Variants in FAM110B observed in about 807,000 individuals in gnomAD.
FAM110B encodes the protein family with sequence similarity 110 member B, also known as protein FAM110B.
A neutral mutation model predicts 20.4 loss-of-function variants in FAM110B; 6 were observed. The observed-to-expected ratio is 0.29, with a 90% CI of 0.16 to 0.58. The LOEUF is 0.58. FAM110B is among the 20% of genes least tolerant of loss of function. FAM110B has a pLI of 0.90. For missense variants in FAM110B, 434 were observed against 498.2 expected, an observed-to-expected ratio of 0.87 and a Z score of 1.23; for synonymous variants, 226 against 214.1, an observed-to-expected ratio of 1.06 and a Z score of -0.49.
At chr8:58,099,840 G>A (rs1410586651) in intron 3 of FAM110B, among the ~76,000 whole-genome samples, 1 of 152,042 alleles carries the variant, frequency 6.6e-6, no homozygotes, top group Non-Finnish European at 1.5e-5. Flanking sequence ...TCTACCTAAA[G>A]GGCTTGATGA....
chr8:58,012,217 A>C (rs1804551535), intron 1 of FAM110B, among the ~76,000 whole-genome samples: 1 of 152,030 alleles, frequency 6.6e-6, no homozygotes, highest in Non-Finnish European at 1.5e-5. Flanking sequence ...TATATGCTTA[A>C]ATTTTCTCTA....
intron 2 of FAM110B, among the ~76,000 whole-genome samples, chr8:58,075,275 T>TTGTGTG (rs60073899): frequency 8.5e-5 from 12 of 141,740 alleles, no homozygotes; most frequent in Middle Eastern, 3.5e-3. Context: ...TTTTTTTTTT[T>TTGTGTG]TGTGTGTGTG....
At chr8:58,116,545 C>T (rs1482769913) in intron 3 of FAM110B, among the ~76,000 whole-genome samples, 3 of 152,188 alleles carry the variant, frequency 2.0e-5, no homozygotes, top group African/African-American at 7.2e-5. Context: ...ACAGATAGAA[C>T]AATGCCTGAA....
At chr8:58,070,620 G>C (rs1805875700) in intron 2 of FAM110B, among the ~76,000 whole-genome samples, 1 of 152,178 alleles carries the variant, frequency 6.6e-6, no homozygotes, top group African/African-American at 2.4e-5. Context: ...GTGTGCTTGG[G>C]AGTGATGCTT....
chr8:58,095,715 G>T (rs1371809066), intron 3 of FAM110B, among the ~76,000 whole-genome samples: 1 of 152,172 alleles, frequency 6.6e-6, no homozygotes, highest in Admixed American at 6.5e-5. Flanking sequence ...TGTATATTCT[G>T]TTGATTTGGG....
chr8:58,018,809 AATAGATAGATAGATAG>A (rs59685703), intron 1 of FAM110B, among the ~76,000 whole-genome samples: 27 of 148,050 alleles, frequency 1.8e-4, no homozygotes, highest in East Asian at 6.0e-4. Flanking sequence ...TAGGGATTAC[AATAGATAGATAGATAG>A]ATAGATAGAT....
intron 2 of FAM110B, among the ~76,000 whole-genome samples, chr8:58,037,633 T>C (rs1340654522): frequency 6.6e-6 from 1 of 151,982 alleles, no homozygotes; most frequent in African/African-American, 2.4e-5. Context: ...TAAGACTCTG[T>C]CTCTTTAAAA....
At chr8:58,015,055 T>C (rs1420387122) in intron 1 of FAM110B, among the ~76,000 whole-genome samples, 4 of 152,222 alleles carry the variant, frequency 2.6e-5, no homozygotes, top group African/African-American at 9.6e-5. Flanking sequence ...TGGGCAGTTT[T>C]TGTTTAAGAT....
At chr8:58,102,796 C>T (rs1388946125) in intron 3 of FAM110B, among the ~76,000 whole-genome samples, 4 of 152,126 alleles carry the variant, frequency 2.6e-5, no homozygotes, top group African/African-American at 9.7e-5. Context: ...GTCATCTTCA[C>T]TTCCACACAG....
Position 58,146,905 on chromosome 8 carries a change from T to C in FAM110B, c.675T>C (p.Pro225=). 1 of 1,614,054 alleles carries C rather than the reference T, an allele frequency of 6.2e-7. No homozygotes were observed. ...IPCSSSAPPL[P]PKPKIAAIAS... ...GCAGTAGCTCTGCCCCTCCCCTGCC[T>C]CCCAAGCCCAAAATCGCAGCCATCG... The change falls in exon 4 of 4, where the codon CCT becomes CCC. Residue 225 remains proline (P), a synonymous_variant. Coordinates refer to ENST00000519262, the MANE Select transcript of FAM110B (RefSeq NM_001377989.1).
chr8:58,128,906 A>G (rs1050721263), intron 3 of FAM110B, among the ~76,000 whole-genome samples: 38 of 152,174 alleles, frequency 2.5e-4, no homozygotes, highest in African/African-American at 8.9e-4. Flanking sequence ...TTAGCCTGCT[A>G]AAAGGAATCA....
chr8:57,995,944 A>G (rs1804177451), intron 1 of FAM110B, among the ~76,000 whole-genome samples: 2 of 152,206 alleles, frequency 1.3e-5, no homozygotes, highest in African/African-American at 4.8e-5. Flanking sequence ...TGCAGTATGG[A>G]TAGTAGGACT....
chr8:58,108,122 C>T (rs987760909), intron 3 of FAM110B, among the ~76,000 whole-genome samples: 3 of 152,134 alleles, frequency 2.0e-5, no homozygotes, highest in African/African-American at 7.2e-5. Context: ...CCTTCATGTT[C>T]ATCAGCTTTA....
chr8:58,039,498 C>T (rs1040736020), intron 2 of FAM110B, among the ~76,000 whole-genome samples: 1 of 152,190 alleles, frequency 6.6e-6, no homozygotes, highest in African/African-American at 2.4e-5. Flanking sequence ...CATGTGAGAT[C>T]CCATTGAGTT....
At chr8:58,073,782 A>G (rs1299623164) in intron 2 of FAM110B, among the ~76,000 whole-genome samples, 1 of 152,246 alleles carries the variant, frequency 6.6e-6, no homozygotes, top group African/African-American at 2.4e-5. Context: ...TGCTCATTAA[A>G]GACAAGCTTG....
chr8:58,027,726 A>G (rs1386741792), intron 1 of FAM110B, among the ~76,000 whole-genome samples: 11 of 152,216 alleles, frequency 7.2e-5, no homozygotes, highest in Non-Finnish European at 8.8e-5. Context: ...CTTCTTTTCC[A>G]TAGTATAATC....
At chr8:58,111,588 C>A (rs1807059482) in intron 3 of FAM110B, among the ~76,000 whole-genome samples, 1 of 151,414 alleles carries the variant, frequency 6.6e-6, no homozygotes, top group South Asian at 2.1e-4. Flanking sequence ...CGTGAATCAT[C>A]AATAAATGAA....
chr8:58,146,179 G>C lies in FAM110B; in HGVS notation c.-52G>C. On this transcript the variant is annotated 5_prime_UTR_variant, in exon 4 of 4. Transcript: ENST00000519262. ...GTACATGTGTCTATTCAGGCCTTGC[G>C]GAGGCGCCCAGAAGAGCATCCAACA... The C allele has an allele frequency of 6.5e-7, 1 of 1,536,814 alleles. No homozygotes were observed. Among genetic ancestry groups the C allele is most frequent in the Non-Finnish European group, 8.8e-7 (1 of 1,141,366 alleles).
At chr8:58,121,787 A>T (rs960330245) in intron 3 of FAM110B, among the ~76,000 whole-genome samples, 1 of 152,176 alleles carries the variant, frequency 6.6e-6, no homozygotes, top group African/African-American at 2.4e-5. Flanking sequence ...ATAATATTTC[A>T]TGTGTGCTCA....
Sources: allele counts gnomAD v4.1 joint callset (sites outside exome capture counted in the v4.1 genomes callset), GRCh38; gene constraint gnomAD v4.1.1; transcripts MANE v1.5; gene names NCBI Gene and HGNC (gene_info 2026-07-23, HGNC 2026-07-21).